AFAP1L2: variants seen among roughly 807,000 people sequenced by gnomAD.
AFAP1L2 encodes actin filament associated protein 1 like 2.
AFAP1L2 carries 46 observed loss-of-function variants against 99.3 expected under a neutral mutation model. The observed-to-expected ratio is 0.46, with a 90% CI of 0.37 to 0.59. The LOEUF (loss-of-function observed/expected upper bound fraction) is 0.59. Among genes scored for constraint, AFAP1L2 ranks in the 20% least tolerant of loss-of-function variants. The pLI, the probability that AFAP1L2 is intolerant of heterozygous loss-of-function variation, is 0.00. For missense variants in AFAP1L2, 959 were observed against 1,034.9 expected, an observed-to-expected ratio of 0.93 and a Z score of 1.01; for synonymous variants, 397 against 419.1, an observed-to-expected ratio of 0.95 and a Z score of 0.64.
intron 2 of AFAP1L2, among the ~76,000 whole-genome samples, chr10:114,336,549 A>G (rs1227641406): frequency 6.6e-6 from 1 of 152,208 alleles, no homozygotes; most frequent in African/African-American, 2.4e-5. Context: ...AAGTGCTTAG[A>G]GGTCTGCAGA....
At chr10:114,320,575 G>A (rs751495102) in intron 5 of AFAP1L2, among the ~76,000 whole-genome samples, 3 of 152,154 alleles carry the variant, frequency 2.0e-5, no homozygotes, top group Non-Finnish European at 2.9e-5. Flanking sequence ...CTCCCACCTC[G>A]CAGCTGGTTT....
chr10:114,352,843 C>A (rs1364987159), intron 1 of AFAP1L2, among the ~76,000 whole-genome samples: 1 of 152,242 alleles, frequency 6.6e-6, no homozygotes, highest in Non-Finnish European at 1.5e-5. Context: ...GGCAATGTTC[C>A]TTTCGGCAAA....
intron 10 of AFAP1L2, among the ~76,000 whole-genome samples, chr10:114,307,209 G>T (rs904938636): frequency 1.3e-5 from 2 of 151,990 alleles, no homozygotes; most frequent in African/African-American, 4.8e-5. Context: ...CCAGTACAGG[G>T]TTCTCATTGT....
rs568417410 is a variant in AFAP1L2, at chr10:114,336,845, AG to A, written c.146-3551del. Among the ~76,000 whole-genome samples the A allele has an allele frequency of 2.6e-3, 392 of 152,330 alleles. 3 individuals carry two copies. The highest frequency in any genetic ancestry group is 9.1e-3 in the African/African-American group (378 of 41,572). On this transcript the variant is annotated intron_variant, in intron 2 of 18. Transcript: ENST00000304129. ...ACCTCTCCATCCAGACAAAAAGCAA[AG>A]AGGGTAGAAAAATTTGTGTTACACT...
At chr10:114,378,480 C>G (rs145904693) in intron 1 of AFAP1L2, among the ~76,000 whole-genome samples, 37 of 152,304 alleles carry the variant, frequency 2.4e-4, no homozygotes, top group African/African-American at 8.2e-4. Flanking sequence ...CTCATTATAT[C>G]CTCAGAGGCC....
At chr10:114,333,494 T>C (rs1441585573) in intron 2 of AFAP1L2, among the ~76,000 whole-genome samples, 199 bp from the exon 3 acceptor site, 1 of 152,210 alleles carries the variant, frequency 6.6e-6, no homozygotes, top group Non-Finnish European at 1.5e-5. Flanking sequence ...AGTTGCTGAC[T>C]GCTAGTTTTC....
the AFAP1L2 span, chr10:114,282,366 T>C: frequency 5.7e-5 from 37 of 653,684 alleles, no homozygotes; most frequent in East Asian, 9.5e-4. Context: ...AGAGAAAAGT[T>C]AGGGTAGAAT....
intron 1 of AFAP1L2, among the ~76,000 whole-genome samples, chr10:114,346,017 G>A (rs550117230): frequency 2.6e-5 from 4 of 152,214 alleles, no homozygotes; most frequent in Admixed American, 6.5e-5. Flanking sequence ...GGGAGCGGGT[G>A]GGCCAGCCAG....
At chr10:114,336,147 T>C (rs539799489) in intron 2 of AFAP1L2, among the ~76,000 whole-genome samples, 27 of 152,358 alleles carry the variant, frequency 1.8e-4, no homozygotes, top group African/African-American at 5.8e-4. Flanking sequence ...GGCTGCAGGC[T>C]GAGGCTGACT....
intron 10 of AFAP1L2, 128 bp downstream of exon 10, chr10:114,307,677 G>A (rs1336765607): frequency 6.9e-6 from 5 of 722,740 alleles, no homozygotes; most frequent in Non-Finnish European, 1.2e-5. Flanking sequence ...GAGGGCTGCA[G>A]GCTCTCCATT....
chr10:114,307,643 T>G (rs914878788), intron 10 of AFAP1L2, among the ~76,000 whole-genome samples, 162 bp downstream of exon 10: 1 of 152,066 alleles, frequency 6.6e-6, no homozygotes, highest in African/African-American at 2.4e-5. Context: ...AAGAACTGCC[T>G]GCAGTAACAA....
At chr10:114,325,814 G>A in intron 4 of AFAP1L2, 2 of 1,216,156 alleles carry the variant, frequency 1.6e-6, no homozygotes, top group Middle Eastern at 3.2e-4. Flanking sequence ...GGCTGAGACA[G>A]TGACAGACTT....
Position 114,361,514 on chromosome 10 carries a change from G to A in AFAP1L2, c.17-20783C>T, listed in dbSNP as rs569365513. 9.2e-5 allele frequency among the ~76,000 whole-genome samples: 14 copies of A among 152,190 alleles called. No individual in the cohort carries two copies. The South Asian group carries it at 2.3e-3, about 25-fold the overall frequency. ...CCTGTAAAACGTTAAACCGAAAGCCGGGGGACAGTACTCACTCAAGATCAG... is the reference window on the plus strand; with the variant it reads ...CCTGTAAAACGTTAAACCGAAAGCCAGGGGACAGTACTCACTCAAGATCAG... On this transcript the variant is annotated intron_variant, in intron 1 of 18. Transcript: ENST00000304129.
intron 4 of AFAP1L2, among the ~76,000 whole-genome samples, chr10:114,329,973 G>A (rs550473298): frequency 9.9e-5 from 15 of 152,250 alleles, no homozygotes; most frequent in South Asian, 8.3e-4. Flanking sequence ...TGTGTGCATG[G>A]TATGGGGTTG....
chr10:114,395,730 G>C (rs1004104966), intron 1 of AFAP1L2, among the ~76,000 whole-genome samples: 1 of 152,146 alleles, frequency 6.6e-6, no homozygotes, highest in Non-Finnish European at 1.5e-5. Flanking sequence ...TGCCCAGGCA[G>C]CCCAGGGGAG....
At chr10:114,351,994 T>A (rs2420058) in intron 1 of AFAP1L2, among the ~76,000 whole-genome samples, 150,711 of 152,338 alleles carry the variant, frequency 0.99, 74,570 homozygotes, top group East Asian at 1. Context: ...GGCTAATAAT[T>A]GTACCTAGGG....
chr10:114,285,612 G>A, the AFAP1L2 span, among the ~76,000 whole-genome samples: 2 of 152,228 alleles, frequency 1.3e-5, no homozygotes, highest in African/African-American at 4.8e-5. Flanking sequence ...GCCTGTAGAA[G>A]CAAACACAGG....
chr10:114,289,665 C>T, the AFAP1L2 span: 1 of 672,794 alleles, frequency 1.5e-6, no homozygotes, highest in Non-Finnish European at 2.5e-6. Context: ...TAGGCATAAC[C>T]ATCCTATTTG....
At chr10:114,327,056 G>T (rs1248841266) in intron 4 of AFAP1L2, among the ~76,000 whole-genome samples, 2 of 148,242 alleles carry the variant, frequency 1.3e-5, no homozygotes, top group Non-Finnish European at 3.0e-5. Context: ...GCTTCAAGGA[G>T]ACAGATCCTC....
Sources: gnomAD v4.1 joint callset for allele counts (sites outside exome capture counted in the v4.1 genomes callset) on GRCh38, gnomAD v4.1.1 for gene constraint, MANE v1.5 for transcripts, NCBI Gene and HGNC (gene_info 2026-07-23, HGNC 2026-07-21) for gene names.